MFHAS1: variants seen among roughly 807,000 people sequenced by gnomAD.
The protein encoded by MFHAS1 is malignant fibrous histiocytoma-amplified sequence 1.
MFHAS1 carries 50 observed loss-of-function variants against 70.4 expected under a neutral mutation model. The ratio of observed to expected loss-of-function variants is 0.71; its 90% CI spans 0.57 to 0.90. The LOEUF (loss-of-function observed/expected upper bound fraction) is 0.90. Ranked by LOEUF, MFHAS1 falls within the 40% of genes least tolerant of loss-of-function variation. The probability of loss-of-function intolerance (pLI) is 0.00; values close to 1 mark genes in which losing one functional copy is unlikely to be tolerated. For missense variants in MFHAS1, 1,795 were observed against 1,347.6 expected, an observed-to-expected ratio of 1.33 and a Z score of -5.20; for synonymous variants, 952 against 620.0, an observed-to-expected ratio of 1.54 and a Z score of -7.96.
intron 1 of MFHAS1, among the ~76,000 whole-genome samples, chr8:8,828,574 G>T (rs1005935152): frequency 6.6e-6 from 1 of 152,144 alleles, no homozygotes; most frequent in South Asian, 2.1e-4. Context: ...TTTCAGACAC[G>T]ACCAGTTAAG....
chr8:8,840,223 G>A (rs928581681), intron 1 of MFHAS1, among the ~76,000 whole-genome samples: 1 of 152,270 alleles, frequency 6.6e-6, no homozygotes, highest in Non-Finnish European at 1.5e-5. Context: ...TTGGGAGGCC[G>A]AAGCGGGCAG....
chr8:8,862,312 T>C (rs909153498), intron 1 of MFHAS1, among the ~76,000 whole-genome samples: 3 of 152,160 alleles, frequency 2.0e-5, no homozygotes, highest in Admixed American at 6.5e-5. Flanking sequence ...TACCTGCTAT[T>C]CATGTATCAT....
chr8:8,828,337 G>A (rs1250479975), intron 1 of MFHAS1, among the ~76,000 whole-genome samples: 1 of 152,230 alleles, frequency 6.6e-6, no homozygotes, highest in Admixed American at 6.5e-5. Flanking sequence ...TGAAATCAAA[G>A]CCATCAAATA....
intron 1 of MFHAS1, among the ~76,000 whole-genome samples, chr8:8,806,598 T>C (rs77657782): frequency 0.032 from 4,832 of 152,242 alleles, 140 homozygotes; most frequent in South Asian, 0.12. Flanking sequence ...ACTATACAAA[T>C]TGCAATAACA....
chr8:8,823,731 A>G (rs1270285986), intron 1 of MFHAS1, among the ~76,000 whole-genome samples: 2 of 149,314 alleles, frequency 1.3e-5, no homozygotes, highest in Non-Finnish European at 3.0e-5. Context: ...CAGGTCACCG[A>G]GAAGAGCATC....
chr8:8,804,799 G>T (rs1806232505), intron 1 of MFHAS1, among the ~76,000 whole-genome samples: 1 of 152,214 alleles, frequency 6.6e-6, no homozygotes, highest in Non-Finnish European at 1.5e-5. Flanking sequence ...CCACACACTG[G>T]GCACGGATGA....
In MFHAS1 at chr8:8,812,799, G is replaced by A. The variant is rs959451004; in HGVS notation, c.2999-15308C>T. The stretch of plus-strand genomic sequence containing the variant: ...TTTTGCCTTTTTGATATAGAGTCTC[G>A]CTGTCACCCAGGCTTAGAGTGCAGT... On this transcript the variant is annotated intron_variant, in intron 1 of 2. Transcript: ENST00000276282. Among the ~76,000 whole-genome samples the A allele has an allele frequency of 7.9e-5, 7 of 88,508 alleles. No homozygotes were observed. The East Asian group carries it at 2.2e-3, about 28-fold the overall frequency. The allele number at this position is 88,508 out of a possible 152,430, so 58.1% of individuals were successfully genotyped here.
intron 1 of MFHAS1, among the ~76,000 whole-genome samples, chr8:8,858,148 G>A (rs561755464): frequency 2.0e-5 from 3 of 152,300 alleles, no homozygotes; most frequent in East Asian, 1.9e-4. Context: ...CGGAGCACAG[G>A]GGGTATACAA....
intron 1 of MFHAS1, among the ~76,000 whole-genome samples, chr8:8,818,365 G>A (rs1244109460): frequency 6.6e-6 from 1 of 152,190 alleles, no homozygotes; most frequent in Non-Finnish European, 1.5e-5. Flanking sequence ...CTTCCACCTA[G>A]TTCCTGGTTC....
intron 1 of MFHAS1, among the ~76,000 whole-genome samples, chr8:8,886,745 G>A (rs1198867062): frequency 6.6e-6 from 1 of 152,158 alleles, no homozygotes; most frequent in Non-Finnish European, 1.5e-5. Flanking sequence ...ATATAAAATT[G>A]TTATAGTTTA....
chr8:8,800,942 G>A (rs1362188543), intron 1 of MFHAS1, among the ~76,000 whole-genome samples: 2 of 152,254 alleles, frequency 1.3e-5, no homozygotes, highest in South Asian at 4.2e-4. Context: ...CAGGCTGGGT[G>A]CAGTGGCTCA....
intron 1 of MFHAS1, among the ~76,000 whole-genome samples, chr8:8,883,707 C>CA (rs35799658): frequency 0.049 from 1,415 of 29,142 alleles, 128 homozygotes; most frequent in African/African-American, 0.13. Flanking sequence ...GACTCAGTCT[C>CA]AAAAAAAAAA....
At position 8,892,700 on chromosome 8, in the gene MFHAS1, T is replaced by G; in HGVS notation, c.359A>C (p.His120Pro). The change falls in exon 1 of 3, where the codon CAC becomes CCC. Residue 120 changes from histidine (H) to proline (P), a missense_variant. His to Pro is a moderately conservative substitution (Grantham distance 77). Transcript: ENST00000276282. This position sits in a 1 kb window ranked among gnomAD's most constrained non-coding sequence, Gnocchi z 4.7. ...GHHLTELDVS[H>P]NRLTALGAEV... is the part of the protein sequence containing the mutation. ...CGCGCCCAGGGCGGTCAGCCGGTTG[T>G]GGCTCACGTCCAGCTCGGTGAGGTG... The G allele has an allele frequency of 6.8e-7, 1 of 1,475,752 alleles. No homozygotes were observed. Among genetic ancestry groups the G allele is most frequent in the Non-Finnish European group, 9.1e-7 (1 of 1,099,964 alleles). The allele number at this position is 1,475,752 out of a possible 1,614,324, so 91.4% of individuals were successfully genotyped here. A position where few individuals can be genotyped will look rare whatever the true frequency, so the allele number is the denominator to read the frequency against.
intron 2 of MFHAS1, among the ~76,000 whole-genome samples, chr8:8,795,039 T>A (rs2117253446): frequency 1.3e-5 from 2 of 152,332 alleles, no homozygotes; most frequent in South Asian, 4.1e-4. Context: ...CCTACCTCTA[T>A]CGCACCTATT....
intron 1 of MFHAS1, among the ~76,000 whole-genome samples, chr8:8,832,803 C>T (rs1807454793): frequency 6.6e-6 from 1 of 151,920 alleles, no homozygotes; most frequent in South Asian, 2.1e-4. Context: ...TAAGTTTTCA[C>T]TTTTAATTTT....
chr8:8,828,613 G>A (rs988998957), intron 1 of MFHAS1, among the ~76,000 whole-genome samples: 2 of 152,204 alleles, frequency 1.3e-5, no homozygotes, highest in African/African-American at 2.4e-5. Context: ...ACTCCACGGA[G>A]GAAAAACGCA....
At chr8:8,876,611 T>C (rs1378486511) in intron 1 of MFHAS1, among the ~76,000 whole-genome samples, 1 of 151,880 alleles carries the variant, frequency 6.6e-6, no homozygotes, top group Non-Finnish European at 1.5e-5. Flanking sequence ...GGTGTATGCA[T>C]CGTGATCCTC....
chr8:8,831,473 T>C (rs891673850), intron 1 of MFHAS1, among the ~76,000 whole-genome samples: 3 of 152,100 alleles, frequency 2.0e-5, no homozygotes, highest in Non-Finnish European at 2.9e-5. Flanking sequence ...GCCTCGTTAG[T>C]ACTTGGATGG....
intron 1 of MFHAS1, among the ~76,000 whole-genome samples, chr8:8,859,146 A>G (rs1235794041): frequency 6.6e-6 from 1 of 152,234 alleles, no homozygotes; most frequent in African/African-American, 2.4e-5. Flanking sequence ...TGAGGTCAGG[A>G]GTTCGAGACC....
Sources: gnomAD v4.1 joint callset for allele counts (sites outside exome capture counted in the v4.1 genomes callset) on GRCh38, gnomAD v4.1.1 for gene constraint, Gnocchi (gnomAD v3.1) non-coding constraint, MANE v1.5 for transcripts, NCBI Gene and HGNC (gene_info 2026-07-23, HGNC 2026-07-21) for gene names.